Variants in PDK1 observed in about 807,000 individuals in gnomAD.
PDK1 encodes the protein [Pyruvate dehydrogenase (acetyl-transferring)] kinase isozyme 1, mitochondrial.
A neutral mutation model predicts 54.2 loss-of-function variants in PDK1; 39 were observed. That is an observed-to-expected ratio of 0.72 (90% CI 0.56 to 0.94). The LOEUF (loss-of-function observed/expected upper bound fraction) is 0.94, where lower values mean the gene tolerates loss of function less well. Ranked by LOEUF, PDK1 falls within the 40% of genes least tolerant of loss-of-function variation. The probability of loss-of-function intolerance (pLI) is 0.00; values close to 1 mark genes in which losing one functional copy is unlikely to be tolerated. For synonymous variants in PDK1, 221 were observed against 207.1 expected (o/e 1.07, Z -0.58); for missense variants, 552 against 566.0 (o/e 0.98, Z 0.25).
chr2:172,669,336 T>C, the PDK1 span, among the ~76,000 whole-genome samples: 12 of 152,204 alleles, frequency 7.9e-5, no homozygotes, highest in Non-Finnish European at 2.9e-5. Flanking sequence ...CGTGAGCCAC[T>C]GCGCCCGGCC....
At chr2:172,639,490 T>C in the PDK1 span, among the ~76,000 whole-genome samples, 1 of 152,220 alleles carries the variant, frequency 6.6e-6, no homozygotes, top group East Asian at 1.9e-4. Flanking sequence ...ACTTCCCTAA[T>C]TGGAGACAAC....
chr2:172,705,007 G>A, the PDK1 span, among the ~76,000 whole-genome samples: 1 of 152,284 alleles, frequency 6.6e-6, no homozygotes, highest in African/African-American at 2.4e-5. Context: ...AGCAAAAAAG[G>A]TGGAAAACTT....
chr2:172,671,463 CT>C, the PDK1 span, among the ~76,000 whole-genome samples: 8,398 of 148,386 alleles, frequency 0.057, 982 homozygotes, highest in East Asian at 0.54. Context: ...TAAGTTAATG[CT>C]TTTTTTTTAA....
At chr2:172,698,608 G>C in the PDK1 span, among the ~76,000 whole-genome samples, 1 of 152,378 alleles carries the variant, frequency 6.6e-6, no homozygotes, top group African/African-American at 2.4e-5. Context: ...AAACAGAGGT[G>C]ACTGGGCTCC....
rs1245749185 is a variant in PDK1, at chr2:172,596,018, T to A, written c.*49T>A. The A allele has an allele frequency of 6.6e-7, 1 of 1,518,610 alleles. No individual in the cohort carries two copies. The highest frequency in any genetic ancestry group is 2.4e-5 in the East Asian group (1 of 41,842). The allele number at this position is 1,518,610 out of a possible 1,614,324, so 94.1% of individuals were successfully genotyped here. On this transcript the variant is annotated 3_prime_UTR_variant, in exon 11 of 11. Coordinates refer to ENST00000282077, the MANE Select transcript of PDK1 (RefSeq NM_002610.5). ...CCAAATGTGGCTTTTGTATTAAATT[T>A]GGAAGGTATGGTGTTCAGAACTATA...
At chr2:172,610,864 G>A (rs1691440170), downstream of PDK1, among the ~76,000 whole-genome samples, 1 of 152,148 alleles carries the variant, frequency 6.6e-6, no homozygotes, top group Non-Finnish European at 1.5e-5. Flanking sequence ...ACCCTCCTCG[G>A]CCTCCCATAG....
chr2:172,670,647 G>C, the PDK1 span, among the ~76,000 whole-genome samples: 2 of 152,058 alleles, frequency 1.3e-5, no homozygotes, highest in African/African-American at 4.8e-5. Context: ...AAAAAATTAA[G>C]GTTTTCTTAA....
intron 8 of PDK1, 113 bp downstream of exon 8, chr2:172,570,937 A>G: frequency 3.2e-6 from 2 of 632,560 alleles, no homozygotes; most frequent in Non-Finnish European, 5.5e-6. Context: ...TCTCAGGGGA[A>G]AAGAATCTTG....
chr2:172,640,321 A>G, the PDK1 span, among the ~76,000 whole-genome samples: 1 of 152,192 alleles, frequency 6.6e-6, no homozygotes, highest in African/African-American at 2.4e-5. Flanking sequence ...TCATAAGTGT[A>G]TATTTAGGTT....
the PDK1 span, among the ~76,000 whole-genome samples, chr2:172,660,652 T>C: frequency 6.6e-6 from 1 of 152,096 alleles, no homozygotes; most frequent in Non-Finnish European, 1.5e-5. Context: ...CCTTGAAATT[T>C]TATTTATGCT....
chr2:172,649,503 G>T, the PDK1 span, among the ~76,000 whole-genome samples: 1 of 152,188 alleles, frequency 6.6e-6, no homozygotes, highest in Non-Finnish European at 1.5e-5. Context: ...GTTGAGAGAA[G>T]AAGGCTTCAG....
chr2:172,565,146 C>T lies in PDK1; in HGVS notation c.691+73C>T, dbSNP rs1342298018. 3.4e-6 allele frequency: 3 copies of T among 882,360 alleles called. No homozygotes were observed. The African/African-American group carries it at 5.1e-5, about 15-fold the overall frequency. 54.7% of individuals were successfully genotyped at this position (882,360 alleles called of 1,614,324 possible). A position where few individuals can be genotyped will look rare whatever the true frequency, so the allele number is the denominator to read the frequency against. ...TTATTGTTATTTCTTACTATTAAAA[C>T]ATCTATTTGTATCATGAGATAAAAT... On this transcript the variant is annotated intron_variant, in intron 5 of 10. Coordinates refer to ENST00000282077, the MANE Select transcript of PDK1 (RefSeq NM_002610.5).
the PDK1 span, among the ~76,000 whole-genome samples, chr2:172,701,636 TTTTTTTG>T: frequency 1.8e-3 from 209 of 117,326 alleles, no homozygotes; most frequent in Middle Eastern, 0.016. Context: ...ATCCTGTTTT[TTTTTTTG>T]TTTTGTTTTT....
intron 8 of PDK1, among the ~76,000 whole-genome samples, chr2:172,580,264 A>G (rs1294332857): frequency 7.1e-6 from 1 of 140,628 alleles, no homozygotes; most frequent in African/African-American, 2.7e-5. Flanking sequence ...TTTAGCTCAG[A>G]TGCTAATGTG....
At chr2:172,673,576 T>C in the PDK1 span, among the ~76,000 whole-genome samples, 1 of 152,146 alleles carries the variant, frequency 6.6e-6, no homozygotes, top group Non-Finnish European at 1.5e-5. Flanking sequence ...GTGTGTGTGC[T>C]GGGGGAGGGC....
intron 8 of PDK1, among the ~76,000 whole-genome samples, chr2:172,572,100 G>T (rs1379138052): frequency 6.6e-6 from 1 of 152,036 alleles, no homozygotes; most frequent in African/African-American, 2.4e-5. Flanking sequence ...GAAGTGCTGG[G>T]ATTACAGGCA....
rs182986221 is a variant in PDK1, at chr2:172,607,277, C to T, written c.*11308C>T. On this transcript the variant is annotated 3_prime_UTR_variant, in exon 11 of 11. Coordinates refer to ENST00000282077, the MANE Select transcript of PDK1 (RefSeq NM_002610.5). Reference sequence around the variant, plus strand: ...CTGCACTCCAGCCTGGGTGACAGAGCGAGGTTGCTTCTAAAACAAAAATTT... The same window carrying T: ...CTGCACTCCAGCCTGGGTGACAGAGTGAGGTTGCTTCTAAAACAAAAATTT... 3.3e-5 allele frequency: 5 copies of T among 152,120 alleles called. No homozygotes were observed. The highest frequency in any genetic ancestry group is 1.2e-4 in the African/African-American group (5 of 41,418). The allele number at this position is 152,120 out of a possible 1,614,324, so 9.4% of individuals were successfully genotyped here. A position where few individuals can be genotyped will look rare whatever the true frequency, so the allele number is the denominator to read the frequency against.
chr2:172,589,476 C>G (rs79046117), intron 9 of PDK1, among the ~76,000 whole-genome samples: 6,098 of 152,286 alleles, frequency 0.04, 407 homozygotes, highest in African/African-American at 0.14. Flanking sequence ...CCAAGGCAAC[C>G]TCAGGGAAGG....
the PDK1 span, among the ~76,000 whole-genome samples, chr2:172,619,663 C>T: frequency 6.6e-6 from 1 of 151,984 alleles, no homozygotes; most frequent in Non-Finnish European, 1.5e-5. Flanking sequence ...AATATTATCT[C>T]GCCACAATTA....
Sources: gnomAD v4.1 joint callset for allele counts (sites outside exome capture counted in the v4.1 genomes callset) on GRCh38, gnomAD v4.1.1 for gene constraint, MANE v1.5 for transcripts, NCBI Gene and HGNC (gene_info 2026-07-23, HGNC 2026-07-21) for gene names.